Variants in CELF1 observed in about 807,000 individuals in gnomAD.
CELF1 encodes CUGBP Elav-like family member 1.
In CELF1, 10 loss-of-function variants were observed where a neutral mutation model predicts 61.8. The observed-to-expected ratio is 0.16, with a 90% CI of 0.10 to 0.27. The LOEUF is 0.27. CELF1 is among the 10% of genes least tolerant of loss of function. The pLI is 1.00. For synonymous variants in CELF1, 236 were observed against 225.1 expected (o/e 1.05, Z -0.43); for missense variants, 380 against 639.1 (o/e 0.59, Z 4.37).
At chr11:47,550,340 G>A (rs142865468) in intron 1 of CELF1, among the ~76,000 whole-genome samples, 2,128 of 151,942 alleles carry the variant, frequency 0.014, 47 homozygotes, top group African/African-American at 0.048. Flanking sequence ...AGATCGGCCT[G>A]GCCAACATGG....
In CELF1 at chr11:47,476,872, G is replaced by C; in HGVS notation, c.1061C>G (p.Ala354Gly). Reference protein sequence around the residue: ...GALQTLAGATAGLNVGSLAGM... With the variant: ...GALQTLAGATGGLNVGSLAGM... ...TGCCAAAGAGCCAACATTGAGGCCAGCCGTTGCTCCAGCTAATGTCTGCAG... is the reference window on the plus strand; with the variant it reads ...TGCCAAAGAGCCAACATTGAGGCCACCCGTTGCTCCAGCTAATGTCTGCAG... Residue 354 changes from alanine (A) to glycine (G), a missense_variant, in exon 12 of 15, where the codon GCT becomes GGT. Physicochemically the swap from Ala to Gly is moderately conservative, Grantham distance 60. Coordinates refer to ENST00000687097, the MANE Select transcript of CELF1 (RefSeq NM_001376376.1). The C allele has an allele frequency of 6.2e-7, 1 of 1,614,162 alleles. No homozygotes were observed. The highest frequency in any genetic ancestry group is 1.1e-5 in the South Asian group (1 of 91,080).
intron 1 of CELF1, among the ~76,000 whole-genome samples, chr11:47,526,283 GC>G (rs2096239839): frequency 6.6e-6 from 1 of 152,158 alleles, no homozygotes; most frequent in Non-Finnish European, 1.5e-5. Context: ...TTGTGCCATT[GC>G]ACTCCAGCTT....
At chr11:47,495,302 T>C (rs1263350471) in intron 3 of CELF1, among the ~76,000 whole-genome samples, 1 of 152,156 alleles carries the variant, frequency 6.6e-6, no homozygotes, top group African/African-American at 2.4e-5. Context: ...CCACATAGTA[T>C]ATGTTACCAT....
rs2090305885 is a variant in CELF1 at position 47,489,935 on chromosome 11, G to GTTTTTTTTTTTTTTTGTTTT, written c.72-912_72-911insAAAACAAAAAAAAAAAAAAA. 1.0e-4 allele frequency among the ~76,000 whole-genome samples: 5 copies of GTTTTTTTTTTTTTTTGTTTT among 48,226 alleles called. 2 individuals are homozygous for GTTTTTTTTTTTTTTTGTTTT. The highest frequency in any genetic ancestry group is 1.9e-4 in the Non-Finnish European group (5 of 25,720). 31.6% of individuals were successfully genotyped at this position (48,226 alleles called of 152,430 possible). A position where few individuals can be genotyped will look rare whatever the true frequency, so the allele number is the denominator to read the frequency against. ...GTTTCCACTCAGAACATACCATCTT[G>GTTTTTTTTTTTTTTTGTTTT]TTTTTTTTTTTTTTTTTTTTGAGAC... On this transcript the variant is annotated intron_variant, in intron 3 of 14. Coordinates refer to ENST00000687097, the MANE Select transcript of CELF1 (RefSeq NM_001376376.1).
At chr11:47,551,700 C>A (rs1476403481) in intron 1 of CELF1, among the ~76,000 whole-genome samples, 1 of 152,146 alleles carries the variant, frequency 6.6e-6, no homozygotes, top group Non-Finnish European at 1.5e-5. Context: ...TAATCAAAGA[C>A]AGTGAAAAGA....
chr11:47,490,517 C>T (rs2090885152), intron 3 of CELF1, among the ~76,000 whole-genome samples: 1 of 151,180 alleles, frequency 6.6e-6, no homozygotes, highest in African/African-American at 2.4e-5. Flanking sequence ...ACCTCCTCCT[C>T]CCAGGTTCAA....
intron 1 of CELF1, among the ~76,000 whole-genome samples, chr11:47,510,153 G>A (rs1380553285): frequency 2.0e-5 from 3 of 152,088 alleles, no homozygotes; most frequent in Admixed American, 6.6e-5. Context: ...ATCTACCTGC[G>A]ATAAATGTTT....
chr11:47,548,960 C>T (rs2097060888), intron 1 of CELF1, among the ~76,000 whole-genome samples: 1 of 151,638 alleles, frequency 6.6e-6, no homozygotes, highest in Non-Finnish European at 1.5e-5. Context: ...GGGAAATGGC[C>T]TTGAACAGAC....
At chr11:47,544,694 A>G (rs1245008592) in intron 1 of CELF1, among the ~76,000 whole-genome samples, 1 of 152,198 alleles carries the variant, frequency 6.6e-6, no homozygotes, top group Non-Finnish European at 1.5e-5. Flanking sequence ...TGGTAACTAT[A>G]GGATTATATT....
rs554130230 is a variant in CELF1 at position 47,522,804 on chromosome 11, C to A, written c.-153-21872G>T. On this transcript the variant is annotated intron_variant, in intron 1 of 14. Coordinates refer to ENST00000687097, the MANE Select transcript of CELF1 (RefSeq NM_001376376.1). ...TCGTGCCACTGCACTCCAGCCTGGG[C>A]AACAGAGCGAGACTCCATCTCCAGA... Among the ~76,000 whole-genome samples the A allele has an allele frequency of 2.9e-5, 4 of 137,908 alleles. No individual in the cohort carries two copies. In the South Asian group the frequency reaches 9.2e-4, roughly 32 times the overall value. The allele number at this position is 137,908 out of a possible 152,430, so 90.5% of individuals were successfully genotyped here.
chr11:47,549,321 A>G (rs2153753937), intron 1 of CELF1, among the ~76,000 whole-genome samples: 1 of 152,354 alleles, frequency 6.6e-6, no homozygotes, highest in South Asian at 2.1e-4. Flanking sequence ...TTTGGGGTAT[A>G]TATCCAAAAC....
intron 1 of CELF1, among the ~76,000 whole-genome samples, chr11:47,537,816 A>G (rs1036534622): frequency 1.3e-5 from 2 of 152,212 alleles, no homozygotes; most frequent in Non-Finnish European, 2.9e-5. Context: ...GTACTTATGT[A>G]ACACTATAGA....
chr11:47,510,016 C>A (rs1180585236), intron 1 of CELF1, among the ~76,000 whole-genome samples: 1 of 151,544 alleles, frequency 6.6e-6, no homozygotes, highest in Non-Finnish European at 1.5e-5. Flanking sequence ...GAGCCGAGAT[C>A]CCGCCACTGC....
chr11:47,506,320 G>A (rs559686291), intron 1 of CELF1, among the ~76,000 whole-genome samples: 1 of 146,936 alleles, frequency 6.8e-6, no homozygotes, highest in African/African-American at 2.4e-5. Context: ...CCAGCTACTC[G>A]GGAGGCTGAG....
chr11:47,543,422 A>G (rs1255224469), intron 1 of CELF1, among the ~76,000 whole-genome samples: 2 of 152,158 alleles, frequency 1.3e-5, no homozygotes, highest in African/African-American at 4.8e-5. Context: ...ACAGCCCAAA[A>G]AAGCCCCAAA....
chr11:47,511,320 C>T (rs1228316691), intron 1 of CELF1, among the ~76,000 whole-genome samples: 3 of 152,134 alleles, frequency 2.0e-5, no homozygotes, highest in African/African-American at 4.8e-5. Flanking sequence ...AGAGGCAGGC[C>T]CCAACTGTCA....
chr11:47,504,068 A>G (rs1226253532), intron 1 of CELF1, among the ~76,000 whole-genome samples: 1 of 152,142 alleles, frequency 6.6e-6, no homozygotes, highest in East Asian at 1.9e-4. Context: ...TCAGCTACTC[A>G]GGAGGCTGAG....
chr11:47,508,228 G>C lies in CELF1; in HGVS notation c.-153-7296C>G, dbSNP rs376975047. ...TAGACAGCAAGTTAAATTTCTACCT[G>C]TTAAGAGTTCTTCTGGAAGATGTAA... On this transcript the variant is annotated intron_variant, in intron 1 of 14. Coordinates refer to ENST00000687097, the MANE Select transcript of CELF1 (RefSeq NM_001376376.1). 4.2e-4 allele frequency among the ~76,000 whole-genome samples: 64 copies of C among 152,246 alleles called. No individual in the cohort carries two copies. In the East Asian group the frequency reaches 7.9e-3, roughly 19 times the overall value.
At chr11:47,548,593 C>T (rs868351670) in intron 1 of CELF1, among the ~76,000 whole-genome samples, 3 of 152,000 alleles carry the variant, frequency 2.0e-5, no homozygotes, top group Non-Finnish European at 4.4e-5. Flanking sequence ...AGGCTGGGTG[C>T]GGTGGCTCAC....
Sources: allele counts gnomAD v4.1 joint callset (sites outside exome capture counted in the v4.1 genomes callset), GRCh38; gene constraint gnomAD v4.1.1; transcripts MANE v1.5; gene names NCBI Gene and HGNC (gene_info 2026-07-23, HGNC 2026-07-21).